UQCRC1: variants seen among roughly 807,000 people sequenced by gnomAD.
UQCRC1 encodes the protein ubiquinol-cytochrome c reductase core protein 1, also known as cytochrome b-c1 complex subunit 1, mitochondrial.
Under a neutral mutation model 58.0 loss-of-function variants are expected in UQCRC1, and 34 were observed. That is an observed-to-expected ratio of 0.59 (90% CI 0.45 to 0.78). The LOEUF (loss-of-function observed/expected upper bound fraction) is 0.78, where lower values mean the gene tolerates loss of function less well. Among genes scored for constraint, UQCRC1 ranks in the 30% least tolerant of loss-of-function variants. UQCRC1 has a pLI of 0.00. For synonymous variants in UQCRC1, 276 were observed against 248.8 expected (o/e 1.11, Z -1.03); for missense variants, 610 against 646.0 (o/e 0.94, Z 0.60).
intron 2 of UQCRC1, 106 bp downstream of exon 2, chr3:48,609,056 C>T: frequency 6.7e-7 from 1 of 1,490,548 alleles, no homozygotes. Context: ...TGGGTCCGAA[C>T]CCAAACCACA....
Position 48,609,221 on chromosome 3 carries a change from T to G in UQCRC1, c.151A>C (p.Ser51Arg). The G allele has an allele frequency of 6.2e-7, 1 of 1,613,128 alleles. No homozygotes were observed. The highest frequency in any genetic ancestry group is 8.5e-7 in the Non-Finnish European group (1 of 1,179,852). ...ALQFVPETQV[S>R]LLDNGLRVAS... is the part of the protein sequence containing the mutation. The stretch of plus-strand genomic sequence containing the variant: ...ACACGCAGGCCGTTGTCCAGCAGGC[T>G]AACCTGCGTCTCCGGCACGAACTGG... Residue 51 changes from serine to arginine, a missense_variant, in exon 2 of 13, where the codon AGC (serine) becomes CGC (arginine). Ser to Arg is a moderately radical substitution (Grantham distance 110). Coordinates refer to ENST00000203407, the MANE Select transcript of UQCRC1 (RefSeq NM_003365.3).
Position 48,600,850 on chromosome 3 carries a change from G to A in UQCRC1, c.967-10C>T. 1 of 1,613,730 alleles carries A rather than the reference G, an allele frequency of 6.2e-7. No homozygotes were observed. Among genetic ancestry groups the A allele is most frequent in the Non-Finnish European group, 8.5e-7 (1 of 1,180,024 alleles). ...GTGGGCTGGACAGGTGCTGCCAGGGGGATAGGTGGTCAGCACCCACCCTCT... is the reference window on the plus strand; with the variant it reads ...GTGGGCTGGACAGGTGCTGCCAGGGAGATAGGTGGTCAGCACCCACCCTCT... On this transcript the variant is annotated splice_polypyrimidine_tract_variant and intron_variant, in intron 8 of 12. Coordinates refer to ENST00000203407, the MANE Select transcript of UQCRC1 (RefSeq NM_003365.3).
chr3:48,609,120 C>A, intron 2 of UQCRC1, 42 bp downstream of exon 2: 1 of 1,573,294 alleles, frequency 6.4e-7, no homozygotes, highest in Non-Finnish European at 8.7e-7. Flanking sequence ...AGACGGCAGG[C>A]CCAACCTGGA....
At chr3:48,603,339 T>G (rs1430560710) in intron 6 of UQCRC1, among the ~76,000 whole-genome samples, 1 of 152,142 alleles carries the variant, frequency 6.6e-6, no homozygotes, top group African/African-American at 2.4e-5. Flanking sequence ...AAGACAGACC[T>G]GTACCAGAGG....
chr3:48,609,212 C>G lies in UQCRC1; in HGVS notation c.160G>C (p.Asp54His). ...FVPETQVSLLDNGLRVASEQS... is the reference protein window; with the variant it reads ...FVPETQVSLLHNGLRVASEQS... ...TCGGAGGCCACACGCAGGCCGTTGT[C>G]CAGCAGGCTAACCTGCGTCTCCGGC... The change falls in exon 2 of 13, where the codon GAC becomes CAC. Residue 54 changes from aspartate to histidine, a missense_variant. By Grantham distance (81) the Asp-to-His change is moderately conservative. Transcript: ENST00000203407. The G allele has an allele frequency of 6.2e-7, 1 of 1,613,068 alleles. No individual in the cohort carries two copies. Among genetic ancestry groups the G allele is most frequent in the Non-Finnish European group, 8.5e-7 (1 of 1,179,774 alleles).
chr3:48,606,458 C>T (rs17080289), intron 2 of UQCRC1, among the ~76,000 whole-genome samples: 7,834 of 152,192 alleles, frequency 0.051, 258 homozygotes, highest in East Asian at 0.11. Context: ...CTGTGAAACA[C>T]GCACCACAGG....
Position 48,604,976 on chromosome 3 carries a change from G to A in UQCRC1, c.298-196C>T, listed in dbSNP as rs369587139. ...GGTGACCAAAACCATGGCATCATGC[G>A]CCAACAGAACAGAGATAGCCAGGGC... On this transcript the variant is annotated intron_variant, in intron 3 of 12. Transcript: ENST00000203407. 1.4e-4 allele frequency among the ~76,000 whole-genome samples: 22 copies of A among 152,260 alleles called. No individual in the cohort carries two copies. The East Asian group carries it at 3.7e-3, about 25-fold the overall frequency.
In UQCRC1 at chr3:48,603,612, G is replaced by T; in HGVS notation, c.658C>A (p.Leu220Ile). ...CGAGGGGCCTTGTAATGTGTGCTGA[G>T]GTACTCGGTCAAGTCTGCACGAGAC... ...KLSRADLTEY[L>I]STHYKAPRMV... Residue 220 changes from leucine to isoleucine, a missense_variant, in exon 6 of 13, where the codon CTC becomes ATC. By Grantham distance (5) the Leu-to-Ile change is conservative. Transcript: ENST00000203407. The T allele has an allele frequency of 6.2e-7, 1 of 1,614,030 alleles. No homozygotes were observed. Among genetic ancestry groups the T allele is most frequent in the African/African-American group, 1.3e-5 (1 of 75,038 alleles).
chr3:48,600,951 T>A, intron 8 of UQCRC1, 24 bp downstream of exon 8: 1 of 1,601,520 alleles, frequency 6.2e-7, no homozygotes, highest in Non-Finnish European at 8.5e-7. Context: ...GAAGGCGAGG[T>A]CCCATGCTCG....
At position 48,600,694 on chromosome 3, in the gene UQCRC1, G is replaced by A; in HGVS notation, c.1113C>T (p.Val371=). The A allele has an allele frequency of 6.2e-7, 1 of 1,614,130 alleles. No homozygotes were observed. The change falls in exon 9 of 13, where the codon GTC becomes GTT. Residue 371 remains valine (V), a synonymous_variant. Coordinates refer to ENST00000203407, the MANE Select transcript of UQCRC1 (RefSeq NM_003365.3). ...CTGCCACTTACCACTGCCCTTGCAG[G>A]ACGAACATCATGTCATCGATTTTCA... ...DRMKIDDMMF[V]LQGQWMRLCT...
rs763576784 is a variant in UQCRC1, at chr3:48,600,726, CACAG to C, written c.1077_1080del (p.Cys360ThrfsTer3). On this transcript the variant is annotated frameshift_variant, in exon 9 of 13. Transcript: ENST00000203407. LOFTEE classifies it high-confidence loss of function. Reference sequence around the variant, plus strand: ...ATCATGTCATCGATTTTCATTCGGTCACAGACAAAGTGTGCACCCAGCAAGCCCG... The same window carrying C: ...ATCATGTCATCGATTTTCATTCGGTCACAAAGTGTGCACCCAGCAAGCCCG... The C allele has an allele frequency of 3.3e-5, 54 of 1,614,030 alleles. No individual in the cohort carries two copies. Among genetic ancestry groups the C allele is most frequent in the Non-Finnish European group, 4.2e-5 (49 of 1,180,044 alleles).
chr3:48,600,399 T>C, intron 10 of UQCRC1, 83 bp downstream of exon 10: 2 of 1,536,140 alleles, frequency 1.3e-6, no homozygotes, highest in Non-Finnish European at 1.8e-6. Flanking sequence ...TTTCTAACCT[T>C]GGTTAGTTAG....
At chr3:48,607,558 T>C (rs533701662) in intron 2 of UQCRC1, among the ~76,000 whole-genome samples, 20 of 151,568 alleles carry the variant, frequency 1.3e-4, no homozygotes, top group Admixed American at 1.2e-3. Context: ...TCCATTTTTT[T>C]CTTTTTTTTT....
At position 48,599,726 on chromosome 3, in the gene UQCRC1, G is replaced by C. The variant is rs2046344510; in HGVS notation, c.1303-16C>G. ...CATCCACCTCCTGCAGGGTGAGGCA[G>C]AGGGCATACTGGCTAACGGGCACCT... On this transcript the variant is annotated splice_polypyrimidine_tract_variant and intron_variant, in intron 11 of 12. Transcript: ENST00000203407. 2 of 1,613,374 alleles carry C rather than the reference G, an allele frequency of 1.2e-6. No homozygotes were observed.
At chr3:48,606,795 C>A (rs1433090826) in intron 2 of UQCRC1, among the ~76,000 whole-genome samples, 13 of 151,210 alleles carry the variant, frequency 8.6e-5, no homozygotes, top group African/African-American at 3.2e-4. Flanking sequence ...CACTTGGTCA[C>A]ACGGTCTAGT....
chr3:48,605,695 T>C (rs1256253531), intron 3 of UQCRC1, 75 bp downstream of exon 3: 4 of 1,475,150 alleles, frequency 2.7e-6, no homozygotes, highest in Non-Finnish European at 3.7e-6. Context: ...ATCAGGCTAA[T>C]TTTTCTGACC....
rs968032810 is a variant in UQCRC1 at position 48,599,021 on chromosome 3, T to C, written c.*107A>G. On this transcript the variant is annotated 3_prime_UTR_variant, in exon 13 of 13. Coordinates refer to ENST00000203407, the MANE Select transcript of UQCRC1 (RefSeq NM_003365.3). ...ACACACTTCTCAGCAGAGGATTTTATTGGTGGTCACCTGTGGCACAGGTTA... is the reference window on the plus strand; with the variant it reads ...ACACACTTCTCAGCAGAGGATTTTACTGGTGGTCACCTGTGGCACAGGTTA... The C allele has an allele frequency of 1.4e-5, 18 of 1,300,044 alleles. No individual in the cohort carries two copies. The highest frequency in any genetic ancestry group is 7.4e-5 in the African/African-American group (5 of 67,710). 80.5% of individuals were successfully genotyped at this position (1,300,044 alleles called of 1,614,324 possible). A position where few individuals can be genotyped will look rare whatever the true frequency, so the allele number is the denominator to read the frequency against.
chr3:48,599,747 C>G (rs939390790), intron 11 of UQCRC1, 37 bp from the exon 12 acceptor site: 1 of 1,599,928 alleles, frequency 6.3e-7, no homozygotes, highest in Non-Finnish European at 8.6e-7. Flanking sequence ...GGCTAACGGG[C>G]ACCTGGCCAC....
chr3:48,599,560 G>T, intron 12 of UQCRC1, 75 bp downstream of exon 12: 3 of 1,520,312 alleles, frequency 2.0e-6, no homozygotes, highest in South Asian at 2.3e-5. Context: ...AGCAGTGCGG[G>T]AGCAGAGGTG....
Sources: gnomAD v4.1 joint callset for allele counts (sites outside exome capture counted in the v4.1 genomes callset) on GRCh38, gnomAD v4.1.1 for gene constraint, MANE v1.5 for transcripts, NCBI Gene and HGNC (gene_info 2026-07-23, HGNC 2026-07-21) for gene names.